Variants in KCNH5 observed in about 807,000 individuals in gnomAD.
KCNH5 encodes the protein potassium voltage-gated channel subfamily H member 5.
A neutral mutation model predicts 96.1 loss-of-function variants in KCNH5; 46 were observed. The ratio of observed to expected loss-of-function variants is 0.48; its 90% CI spans 0.38 to 0.61. The LOEUF is 0.61. Ranked by LOEUF, KCNH5 falls within the 20% of genes least tolerant of loss-of-function variation. The probability of loss-of-function intolerance (pLI) is 0.00; values close to 1 mark genes in which losing one functional copy is unlikely to be tolerated. For missense variants in KCNH5, 907 were observed against 1,225.8 expected, an observed-to-expected ratio of 0.74 and a Z score of 3.88; for synonymous variants, 439 against 449.8, an observed-to-expected ratio of 0.98 and a Z score of 0.30.
chr14:63,038,422 G>GATCTCAA (rs966758895), intron 1 of KCNH5, among the ~76,000 whole-genome samples: 1 of 152,132 alleles, frequency 6.6e-6, no homozygotes, highest in Non-Finnish European at 1.5e-5. Context: ...CATAAGCTCA[G>GATCTCAA]ATCTCAAATT....
At chr14:62,997,110 G>A (rs114603394) in intron 4 of KCNH5, among the ~76,000 whole-genome samples, 1 of 152,208 alleles carries the variant, frequency 6.6e-6, no homozygotes, top group East Asian at 1.9e-4. Context: ...ATACAGGCAC[G>A]CAATGCGTTA....
At chr14:62,922,302 A>G (rs561390243) in intron 7 of KCNH5, among the ~76,000 whole-genome samples, 1 of 152,188 alleles carries the variant, frequency 6.6e-6, no homozygotes, top group Admixed American at 6.5e-5. Context: ...ATGCACAAAG[A>G]TATGTCAAGG....
chr14:62,984,134 A>G (rs1008216847), intron 5 of KCNH5, among the ~76,000 whole-genome samples: 1 of 152,184 alleles, frequency 6.6e-6, no homozygotes. Flanking sequence ...TTGTGCTTCT[A>G]TAAGCAATAA....
chr14:62,908,977 A>G (rs1018489943), intron 7 of KCNH5, among the ~76,000 whole-genome samples: 1 of 148,936 alleles, frequency 6.7e-6, no homozygotes, highest in Non-Finnish European at 1.5e-5. Flanking sequence ...TTTTAAGTAA[A>G]AGAAAACTAA....
intron 8 of KCNH5, among the ~76,000 whole-genome samples, chr14:62,841,215 C>G (rs990208249): frequency 1.3e-5 from 2 of 151,916 alleles, no homozygotes; most frequent in African/African-American, 2.4e-5. Context: ...CAACAGAAAT[C>G]AAAGAAATTG....
At chr14:62,865,082 G>A (rs1888108040) in intron 7 of KCNH5, among the ~76,000 whole-genome samples, 2 of 152,162 alleles carry the variant, frequency 1.3e-5, no homozygotes, top group African/African-American at 4.8e-5. Flanking sequence ...TACAAGAAAA[G>A]CAAGAGTAGG....
At chr14:63,012,646 T>A (rs535658248) in intron 2 of KCNH5, among the ~76,000 whole-genome samples, 2 of 151,958 alleles carry the variant, frequency 1.3e-5, no homozygotes, top group East Asian at 3.9e-4. Context: ...TAGCAAAGTG[T>A]CAAAGTTAGA....
chr14:62,786,437 T>C (rs937290834), intron 9 of KCNH5, among the ~76,000 whole-genome samples: 7 of 152,126 alleles, frequency 4.6e-5, no homozygotes, highest in African/African-American at 1.4e-4. Context: ...TGTAACATTA[T>C]GGAACACATA....
intron 7 of KCNH5, among the ~76,000 whole-genome samples, chr14:62,910,720 G>GA (rs1889132768): frequency 6.6e-6 from 1 of 152,188 alleles, no homozygotes; most frequent in South Asian, 2.1e-4. Context: ...ACCATGCTGG[G>GA]CTCTGTACGG....
chr14:62,784,813 T>C (rs921844825), intron 9 of KCNH5, among the ~76,000 whole-genome samples: 1 of 152,192 alleles, frequency 6.6e-6, no homozygotes, highest in Non-Finnish European at 1.5e-5. Flanking sequence ...CTACCTAAAA[T>C]TTTGAAATTT....
intron 8 of KCNH5, among the ~76,000 whole-genome samples, chr14:62,830,558 T>C (rs147944622): frequency 6.6e-6 from 1 of 152,276 alleles, no homozygotes; most frequent in East Asian, 1.9e-4. Context: ...AGAGGGGAAC[T>C]GCCACACACT....
intron 10 of KCNH5, among the ~76,000 whole-genome samples, chr14:62,743,210 A>T (rs1462897930): frequency 6.6e-6 from 1 of 152,122 alleles, no homozygotes; most frequent in Non-Finnish European, 1.5e-5. Context: ...TCACCTGGGG[A>T]GCTGTGAATA....
chr14:62,986,373 CA>C (rs1331516354), intron 5 of KCNH5, among the ~76,000 whole-genome samples: 4 of 152,144 alleles, frequency 2.6e-5, no homozygotes, highest in Non-Finnish European at 5.9e-5. Context: ...AGACACCAAC[CA>C]CCACCATTTC....
At chr14:62,854,799 T>C (rs1887898050) in intron 7 of KCNH5, among the ~76,000 whole-genome samples, 2 of 151,378 alleles carry the variant, frequency 1.3e-5, no homozygotes, top group African/African-American at 4.8e-5. Flanking sequence ...ACATAGAAAG[T>C]CTTATATTTT....
intron 7 of KCNH5, among the ~76,000 whole-genome samples, chr14:62,864,566 A>G (rs760150383): frequency 1.8e-4 from 28 of 152,176 alleles, no homozygotes; most frequent in Admixed American, 7.9e-4. Context: ...AAGGAATTTT[A>G]TTTGATGGAG....
At chr14:62,961,122 G>A (rs1227206146) in intron 6 of KCNH5, among the ~76,000 whole-genome samples, 1 of 152,026 alleles carries the variant, frequency 6.6e-6, no homozygotes, top group African/African-American at 2.4e-5. Context: ...TATGATATGT[G>A]TACAAGCAAA....
chr14:62,710,152 C>T (rs568793354), intron 10 of KCNH5, among the ~76,000 whole-genome samples: 2 of 152,196 alleles, frequency 1.3e-5, no homozygotes, highest in African/African-American at 2.4e-5. Context: ...TGATGGTCAC[C>T]GTTAACAGAA....
At chr14:62,991,002 A>T (rs1178567291) in intron 4 of KCNH5, among the ~76,000 whole-genome samples, 2 of 152,028 alleles carry the variant, frequency 1.3e-5, no homozygotes, top group Non-Finnish European at 2.9e-5. Context: ...ATCACCTCCC[A>T]TGAGGTCCCT....
At chr14:62,869,414 T>C (rs1888205228) in intron 7 of KCNH5, among the ~76,000 whole-genome samples, 1 of 152,090 alleles carries the variant, frequency 6.6e-6, no homozygotes, top group Admixed American at 6.6e-5. Context: ...TTAAGTTCTT[T>C]GTAGATTCTG....
Sources: gnomAD v4.1 joint callset for allele counts (sites outside exome capture counted in the v4.1 genomes callset) on GRCh38, gnomAD v4.1.1 for gene constraint, MANE v1.5 for transcripts, NCBI Gene and HGNC (gene_info 2026-07-23, HGNC 2026-07-21) for gene names.